The following KLRG1 variants were observed in gnomAD, a reference collection of about 807,000 sequenced individuals.
The protein encoded by KLRG1 is killer cell lectin-like receptor subfamily G member 1.
Under a neutral mutation model 21.8 loss-of-function variants are expected in KLRG1, and 16 were observed. The observed-to-expected ratio is 0.73, with a 90% confidence interval of 0.50 to 1.11. KLRG1 has a LOEUF of 1.11. KLRG1 is among the 50% of genes most tolerant of loss of function. The pLI is 0.00. For synonymous variants in KLRG1, 69 were observed against 75.9 expected (o/e 0.91, Z 0.47); for missense variants, 173 against 218.3 (o/e 0.79, Z 1.31).
At chr12:9,154,878 A>G in the KLRG1 span, 1 of 1,538,784 alleles carries the variant, frequency 6.5e-7, no homozygotes, top group Non-Finnish European at 8.9e-7. Flanking sequence ...TAACTCATCA[A>G]TAAGTAATTA....
At chr12:9,175,735 T>C in the KLRG1 span, among the ~76,000 whole-genome samples, 3 of 152,042 alleles carry the variant, frequency 2.0e-5, no homozygotes, top group Non-Finnish European at 4.4e-5. Flanking sequence ...ATTAGAGAAA[T>C]GCAAATCAAA....
At chr12:9,135,696 A>C in the KLRG1 span, 2 of 197,904 alleles carry the variant, frequency 1.0e-5, no homozygotes, top group Non-Finnish European at 2.0e-5. Context: ...CACAGCTGTG[A>C]AGATCCGGCA....
chr12:9,008,609 C>T (rs759370841), intron 3 of KLRG1, among the ~76,000 whole-genome samples: 2 of 150,996 alleles, frequency 1.3e-5, no homozygotes, highest in African/African-American at 5.0e-5. Flanking sequence ...TGAGGACCTA[C>T]TTCTGGCTTG....
chr12:8,993,909 C>T (rs989824119), intron 2 of KLRG1, among the ~76,000 whole-genome samples: 1 of 152,162 alleles, frequency 6.6e-6, no homozygotes, highest in Non-Finnish European at 1.5e-5. Flanking sequence ...CACATGTGCT[C>T]ATGGAGTATA....
chr12:9,174,906 A>G, the KLRG1 span, among the ~76,000 whole-genome samples: 1,720 of 152,346 alleles, frequency 0.011, 28 homozygotes, highest in African/African-American at 0.039. Flanking sequence ...TTATAGATTC[A>G]GTGCTATTCC....
At chr12:8,971,716 C>T (rs972129650) in intron 1 of KLRG1, among the ~76,000 whole-genome samples, 1 of 152,112 alleles carries the variant, frequency 6.6e-6, no homozygotes, top group African/African-American at 2.4e-5. Context: ...GTCTTGAACT[C>T]CTGACCTCAA....
the KLRG1 span, among the ~76,000 whole-genome samples, chr12:9,061,284 A>AT: frequency 7.9e-5 from 12 of 151,420 alleles, no homozygotes; most frequent in South Asian, 2.1e-4. Context: ...AATAGAATTA[A>AT]TTTTTTTTTA....
chr12:9,027,961 C>A, the KLRG1 span: 72 of 959,868 alleles, frequency 7.5e-5, no homozygotes, highest in Middle Eastern at 3.1e-4. Flanking sequence ...GCTTTCCTAA[C>A]TTCACAGTTG....
the KLRG1 span, chr12:9,204,086 G>A: frequency 6.6e-6 from 6 of 913,804 alleles, no homozygotes; most frequent in Admixed American, 8.7e-5. Flanking sequence ...CTAAGTCAAT[G>A]GAGGTTCTGT....
At chr12:9,102,186 A>T in the KLRG1 span, among the ~76,000 whole-genome samples, 3 of 152,208 alleles carry the variant, frequency 2.0e-5, no homozygotes, top group South Asian at 6.2e-4. Context: ...GCTGAAGTCT[A>T]CCTCTTCTGG....
the KLRG1 span, chr12:9,192,824 G>C: frequency 1.1e-6 from 1 of 897,660 alleles, no homozygotes. Context: ...TTACAACGGT[G>C]TCTTCCACTC....
chr12:8,967,042 G>A (rs757236327), intron 1 of KLRG1, among the ~76,000 whole-genome samples: 78 of 149,632 alleles, frequency 5.2e-4, no homozygotes, highest in Admixed American at 1.3e-3. Context: ...GTAGGGACAT[G>A]GATGAAGCTG....
At chr12:9,107,475 C>G in the KLRG1 span, 1 of 1,599,712 alleles carries the variant, frequency 6.3e-7, no homozygotes, top group Non-Finnish European at 8.5e-7. Context: ...CACTGCTTTT[C>G]AACAATGCCT....
chr12:9,021,873 C>T, the KLRG1 span, among the ~76,000 whole-genome samples: 1 of 152,030 alleles, frequency 6.6e-6, no homozygotes, highest in Non-Finnish European at 1.5e-5. Context: ...TCTTCTGCAA[C>T]ACCTCCTAAA....
intron 3 of KLRG1, among the ~76,000 whole-genome samples, chr12:9,001,717 T>C (rs1947313776): frequency 6.6e-6 from 1 of 152,200 alleles, no homozygotes; most frequent in African/African-American, 2.4e-5. Flanking sequence ...CTTTATTCTA[T>C]GGTATCCCAA....
chr12:9,113,989 C>G, the KLRG1 span, among the ~76,000 whole-genome samples: 1 of 152,160 alleles, frequency 6.6e-6, no homozygotes. Context: ...TACACACATT[C>G]AGCAGCCCTG....
chr12:8,999,776 C>G (rs746349737), intron 3 of KLRG1, among the ~76,000 whole-genome samples: 2 of 152,134 alleles, frequency 1.3e-5, no homozygotes, highest in Non-Finnish European at 2.9e-5. Context: ...TGGTGGCTCA[C>G]GCCTGTAATC....
chr12:9,087,219 A>G, the KLRG1 span, among the ~76,000 whole-genome samples: 5 of 137,758 alleles, frequency 3.6e-5, no homozygotes, highest in Non-Finnish European at 7.8e-5. Flanking sequence ...TACATATTGA[A>G]TGTAATCCCT....
At chr12:9,045,080 G>A in the KLRG1 span, among the ~76,000 whole-genome samples, 1 of 152,110 alleles carries the variant, frequency 6.6e-6, no homozygotes, top group Non-Finnish European at 1.5e-5. Context: ...AAGGACTTCT[G>A]GTTTCTGGCA....
Sources: allele counts gnomAD v4.1 joint callset (sites outside exome capture counted in the v4.1 genomes callset), GRCh38; gene constraint gnomAD v4.1.1; transcripts MANE v1.5; gene names NCBI Gene and HGNC (gene_info 2026-07-23, HGNC 2026-07-21).